The following CSMD3 variants were observed in gnomAD, a reference collection of about 807,000 sequenced individuals.
CSMD3 encodes the protein CUB and Sushi multiple domains 3, also known as CUB and sushi domain-containing protein 3.
Under a neutral mutation model 435.2 loss-of-function variants are expected in CSMD3, and 177 were observed. That is an observed-to-expected ratio of 0.41 (90% CI 0.36 to 0.46). The LOEUF (loss-of-function observed/expected upper bound fraction) is 0.46. Ranked by LOEUF, CSMD3 falls within the 20% of genes least tolerant of loss-of-function variation. The pLI, the probability that CSMD3 is intolerant of heterozygous loss-of-function variation, is 0.34. For synonymous variants in CSMD3, 1,656 were observed against 1,520.5 expected (o/e 1.09, Z -2.07); for missense variants, 4,265 against 4,504.6 (o/e 0.95, Z 1.52).
rs190874719 is a variant in CSMD3, at chr8:112,539,767, C to T, written c.4564+10904G>A. The stretch of plus-strand genomic sequence containing the variant: ...AAACTAAAATCAAAATAGGTTAAGA[C>T]CTAAATGTAAGTCCTTAATCTATGA... On this transcript the variant is annotated intron_variant, in intron 27 of 70. Coordinates refer to ENST00000297405, the MANE Select transcript of CSMD3 (RefSeq NM_198123.2). 3.4e-3 allele frequency among the ~76,000 whole-genome samples: 516 copies of T among 152,128 alleles called. 3 individuals are homozygous for T. The highest frequency in any genetic ancestry group is 4.7e-3 in the Non-Finnish European group (321 of 67,966).
At chr8:112,518,629 T>TGTGA (rs774602764) in intron 27 of CSMD3, among the ~76,000 whole-genome samples, 24 of 124,220 alleles carry the variant, frequency 1.9e-4, no homozygotes, top group African/African-American at 6.3e-4. Context: ...TGTGTGTGTG[T>TGTGA]GAGAGAGAGA....
intron 6 of CSMD3, among the ~76,000 whole-genome samples, chr8:113,005,399 T>C (rs2086018918): frequency 6.6e-6 from 1 of 152,050 alleles, no homozygotes; most frequent in Non-Finnish European, 1.5e-5. Context: ...TAAGGCCATA[T>C]AGAATCAAAA....
intron 1 of CSMD3, among the ~76,000 whole-genome samples, chr8:113,396,872 C>T (rs991781282): frequency 4.6e-5 from 7 of 152,038 alleles, no homozygotes; most frequent in African/African-American, 1.4e-4. Context: ...TATTTTCTGC[C>T]TATCTCTGCA....
chr8:112,686,415 G>A (rs2076012114), intron 14 of CSMD3, among the ~76,000 whole-genome samples: 1 of 151,142 alleles, frequency 6.6e-6, no homozygotes, highest in African/African-American at 2.4e-5. Flanking sequence ...AAACAGAAAA[G>A]AAAATGACAT....
rs573956539 is a variant in CSMD3, at chr8:113,362,118, G to T, written c.179-47325C>A. Among the ~76,000 whole-genome samples the T allele has an allele frequency of 3.9e-5, 6 of 152,230 alleles. No homozygotes were observed. In the South Asian group the frequency reaches 1.0e-3, roughly 26 times the overall value. On this transcript the variant is annotated intron_variant, in intron 1 of 70. Coordinates refer to ENST00000297405, the MANE Select transcript of CSMD3 (RefSeq NM_198123.2). ...TAAGGATTTATTTGAAGTTGAACTT[G>T]CATTGAACATACAAGTCCAGCTGGT...
chr8:112,541,507 A>T (rs1031607263), intron 27 of CSMD3, among the ~76,000 whole-genome samples: 1 of 151,854 alleles, frequency 6.6e-6, no homozygotes, highest in South Asian at 2.1e-4. Flanking sequence ...TAGGAAAAAA[A>T]GTGGACACAT....
At chr8:112,345,927 T>G (rs1394442970) in intron 41 of CSMD3, among the ~76,000 whole-genome samples, 170 bp downstream of exon 41, 2 of 152,190 alleles carry the variant, frequency 1.3e-5, no homozygotes, top group Non-Finnish European at 2.9e-5. Context: ...TGTATTTGAC[T>G]TAAGCAACAA....
intron 12 of CSMD3, among the ~76,000 whole-genome samples, chr8:112,815,648 AC>A (rs1304158045): frequency 1.3e-5 from 2 of 152,168 alleles, no homozygotes; most frequent in Admixed American, 1.3e-4. Context: ...AGGAAAAACA[AC>A]TAAAAATTAC....
chr8:112,467,630 C>T (rs959352010), intron 32 of CSMD3, among the ~76,000 whole-genome samples: 1 of 151,980 alleles, frequency 6.6e-6, no homozygotes, highest in African/African-American at 2.4e-5. Context: ...AGGGATTTTG[C>T]AGATGTGATT....
At chr8:112,921,297 G>A (rs1006265505) in intron 10 of CSMD3, among the ~76,000 whole-genome samples, 1 of 151,908 alleles carries the variant, frequency 6.6e-6, no homozygotes, top group African/African-American at 2.4e-5. Flanking sequence ...TGCAAGTGGA[G>A]AAGAAATTAC....
chr8:112,690,795 G>A (rs1053486847), intron 13 of CSMD3, among the ~76,000 whole-genome samples: 1 of 151,978 alleles, frequency 6.6e-6, no homozygotes, highest in Non-Finnish European at 1.5e-5. Flanking sequence ...ATGAATGTTA[G>A]CAGTAAATTA....
chr8:112,248,673 G>T (rs1335628955), intron 63 of CSMD3, among the ~76,000 whole-genome samples: 2 of 152,058 alleles, frequency 1.3e-5, no homozygotes, highest in African/African-American at 4.8e-5. Flanking sequence ...AGCTTAAGAT[G>T]ATATAATTTG....
chr8:113,340,827 C>T (rs1163609759), intron 1 of CSMD3, among the ~76,000 whole-genome samples: 1 of 151,068 alleles, frequency 6.6e-6, no homozygotes, highest in Non-Finnish European at 1.5e-5. Context: ...TGAGATTGTG[C>T]CACTGCACTC....
intron 40 of CSMD3, among the ~76,000 whole-genome samples, chr8:112,348,376 T>G (rs999232572): frequency 1.3e-5 from 2 of 152,220 alleles, no homozygotes; most frequent in Non-Finnish European, 2.9e-5. Context: ...TAAATTTTCC[T>G]TCTTTCCATC....
chr8:112,707,086 T>A (rs2076514764), intron 13 of CSMD3, among the ~76,000 whole-genome samples: 1 of 152,074 alleles, frequency 6.6e-6, no homozygotes, highest in African/African-American at 2.4e-5. Flanking sequence ...TGAACTATAA[T>A]AGCAATCAAA....
chr8:112,404,727 G>T (rs947376048), intron 35 of CSMD3, among the ~76,000 whole-genome samples: 3 of 151,686 alleles, frequency 2.0e-5, no homozygotes, highest in African/African-American at 7.3e-5. Flanking sequence ...ATTTTCATAT[G>T]GCAAAATGTG....
chr8:113,100,476 A>T (rs1253445945), intron 4 of CSMD3, among the ~76,000 whole-genome samples: 1 of 152,116 alleles, frequency 6.6e-6, no homozygotes, highest in Non-Finnish European at 1.5e-5. Context: ...AAATTATTTC[A>T]CTAGCATATA....
At chr8:112,670,454 T>C (rs1245082901) in intron 16 of CSMD3, among the ~76,000 whole-genome samples, 1 of 152,192 alleles carries the variant, frequency 6.6e-6, no homozygotes, top group African/African-American at 2.4e-5. Context: ...GAAACTTTCA[T>C]GTAAAATGGA....
intron 13 of CSMD3, among the ~76,000 whole-genome samples, chr8:112,789,951 A>G (rs1335357315): frequency 2.0e-5 from 3 of 152,008 alleles, no homozygotes; most frequent in East Asian, 1.9e-4. Context: ...TTATTCATTC[A>G]TTATTAGTTT....
Sources: allele counts gnomAD v4.1 joint callset (sites outside exome capture counted in the v4.1 genomes callset), GRCh38; gene constraint gnomAD v4.1.1; transcripts MANE v1.5; gene names NCBI Gene and HGNC (gene_info 2026-07-23, HGNC 2026-07-21).